Variants in SNTG1 observed in about 807,000 individuals in gnomAD.
SNTG1 encodes gamma-1-syntrophin.
A neutral mutation model predicts 74.7 loss-of-function variants in SNTG1; 39 were observed. That is an observed-to-expected ratio of 0.52 (90% CI 0.40 to 0.68). The LOEUF is 0.68. SNTG1 is among the 30% of genes least tolerant of loss of function. SNTG1 has a pLI of 0.00. For missense variants in SNTG1, 685 were observed against 609.5 expected, an observed-to-expected ratio of 1.12 and a Z score of -1.30; for synonymous variants, 254 against 217.1, an observed-to-expected ratio of 1.17 and a Z score of -1.49.
At chr8:50,607,009 G>T (rs1325899895) in intron 13 of SNTG1, among the ~76,000 whole-genome samples, 1 of 151,846 alleles carries the variant, frequency 6.6e-6, no homozygotes, top group Non-Finnish European at 1.5e-5. Flanking sequence ...TTTTTCAACT[G>T]TGTTTCTGAG....
chr8:50,549,791 T>C (rs193003037), intron 11 of SNTG1, among the ~76,000 whole-genome samples: 1 of 152,322 alleles, frequency 6.6e-6, no homozygotes, highest in East Asian at 1.9e-4. Context: ...CTAAAAATTT[T>C]GCTTTCCCTT....
chr8:50,746,089 G>GAAATTATAAT (rs2095554544), intron 17 of SNTG1, among the ~76,000 whole-genome samples: 2 of 151,644 alleles, frequency 1.3e-5, no homozygotes, highest in Non-Finnish European at 2.9e-5. Context: ...TTTTATAATT[G>GAAATTATAAT]TTAATGTTAA....
intron 1 of SNTG1, among the ~76,000 whole-genome samples, chr8:50,038,977 G>T (rs564575648): frequency 1.3e-5 from 2 of 152,152 alleles, no homozygotes; most frequent in Non-Finnish European, 2.9e-5. Flanking sequence ...GTACCCTGCA[G>T]GAGCCCTTTG....
intron 3 of SNTG1, among the ~76,000 whole-genome samples, chr8:50,397,352 C>T (rs534423277): frequency 2.6e-5 from 4 of 152,108 alleles, no homozygotes; most frequent in Non-Finnish European, 4.4e-5. Flanking sequence ...AGGTGATTTT[C>T]GATATCTAAA....
At chr8:50,069,101 C>T (rs1366808809) in intron 1 of SNTG1, among the ~76,000 whole-genome samples, 1 of 152,100 alleles carries the variant, frequency 6.6e-6, no homozygotes, top group Non-Finnish European at 1.5e-5. Flanking sequence ...CCTTTCAAAG[C>T]TAGATGCTAG....
chr8:50,154,097 C>A (rs571202329), intron 1 of SNTG1, among the ~76,000 whole-genome samples: 4 of 152,144 alleles, frequency 2.6e-5, no homozygotes, highest in Non-Finnish European at 5.9e-5. Context: ...CAAGCCTCAG[C>A]AATGGTGGGC....
chr8:50,134,566 A>C (rs1454595048), intron 1 of SNTG1, among the ~76,000 whole-genome samples: 1 of 152,198 alleles, frequency 6.6e-6, no homozygotes, highest in African/African-American at 2.4e-5. Context: ...CAGCAAGTAT[A>C]AACAACAATT....
chr8:50,283,177 C>A (rs751497991), intron 2 of SNTG1, among the ~76,000 whole-genome samples: 1 of 152,146 alleles, frequency 6.6e-6, no homozygotes, highest in Non-Finnish European at 1.5e-5. Context: ...TCATCCTCAT[C>A]AGTTATTTCA....
At chr8:50,171,854 G>T (rs546846101) in intron 1 of SNTG1, among the ~76,000 whole-genome samples, 2 of 152,102 alleles carry the variant, frequency 1.3e-5, no homozygotes. Flanking sequence ...TATGGAGCCA[G>T]CTTCATCCCC....
chr8:49,948,037 A>G (rs537335967), intron 1 of SNTG1, among the ~76,000 whole-genome samples: 1 of 152,080 alleles, frequency 6.6e-6, no homozygotes, highest in Admixed American at 6.5e-5. Context: ...AAACTGAGGC[A>G]GGAGACTTGC....
intron 1 of SNTG1, among the ~76,000 whole-genome samples, chr8:50,012,596 C>G (rs1815915819): frequency 6.6e-6 from 1 of 152,114 alleles, no homozygotes; most frequent in South Asian, 2.1e-4. Context: ...TGTAGTGAGG[C>G]TGACAGATCA....
In SNTG1 at chr8:50,146,987, G is replaced by A. The variant is rs181544694; in HGVS notation, c.-102-25574G>A. 5.0e-3 allele frequency among the ~76,000 whole-genome samples: 759 copies of A among 151,828 alleles called. 1 individual carries two copies. Among genetic ancestry groups the A allele is most frequent in the Middle Eastern group, 0.01 (3 of 290 alleles). On this transcript the variant is annotated intron_variant, in intron 1 of 18. Transcript: ENST00000642720. ...GCTGTCTTCTTATTCTCTTAACAAT[G>A]TGTTTCACAGAGCAAAAGTTTACAT...
At position 50,590,912 on chromosome 8, in the gene SNTG1, C is replaced by G; in HGVS notation, c.844C>G (p.Gln282Glu). ...KKINRNFPVN[Q>E]QIVYMGWCEA... Reference sequence around the variant, plus strand: ...AATCAACAGAAACTTTCCTGTAAACCAGCAGGTAAGATCAAAGCATACTTG... The same window carrying G: ...AATCAACAGAAACTTTCCTGTAAACGAGCAGGTAAGATCAAAGCATACTTG... The change falls in exon 13 of 19, where the codon CAG becomes GAG. Residue 282 changes from glutamine to glutamate, a missense_variant. By Grantham distance (29) the Gln-to-Glu change is conservative. Coordinates refer to ENST00000642720, the MANE Select transcript of SNTG1 (RefSeq NM_018967.5). 1 of 1,566,892 alleles carries G rather than the reference C, an allele frequency of 6.4e-7. No individual in the cohort carries two copies. The highest frequency in any genetic ancestry group is 1.2e-5 in the South Asian group (1 of 84,074).
chr8:50,540,551 T>C (rs954404296), intron 11 of SNTG1, among the ~76,000 whole-genome samples: 1 of 152,160 alleles, frequency 6.6e-6, no homozygotes, highest in African/African-American at 2.4e-5. Flanking sequence ...TCATTCATGA[T>C]TTTTTTCTGT....
chr8:50,009,894 G>A (rs1275747240), intron 1 of SNTG1, among the ~76,000 whole-genome samples: 2 of 152,102 alleles, frequency 1.3e-5, no homozygotes, highest in Admixed American at 1.3e-4. Context: ...AGCTACTCAG[G>A]AGGCTGACGC....
chr8:50,313,685 A>C (rs1468265746), intron 2 of SNTG1, among the ~76,000 whole-genome samples: 1 of 150,282 alleles, frequency 6.7e-6, no homozygotes, highest in East Asian at 2.0e-4. Flanking sequence ...CGTATTTTTA[A>C]AAACTGGTTT....
At chr8:50,671,041 T>G (rs2095279387) in intron 15 of SNTG1, among the ~76,000 whole-genome samples, 1 of 150,628 alleles carries the variant, frequency 6.6e-6, no homozygotes, top group African/African-American at 2.5e-5. Flanking sequence ...CAAAAATTAA[T>G]TCCAGATGGA....
At chr8:50,045,649 A>C (rs981220951) in intron 1 of SNTG1, among the ~76,000 whole-genome samples, 2 of 152,232 alleles carry the variant, frequency 1.3e-5, no homozygotes, top group Admixed American at 1.3e-4. Flanking sequence ...ACTATCAAAA[A>C]TATGTGTTGT....
chr8:50,703,094 C>T (rs1182861926), intron 15 of SNTG1, among the ~76,000 whole-genome samples: 4 of 152,108 alleles, frequency 2.6e-5, no homozygotes, highest in African/African-American at 9.7e-5. Flanking sequence ...AGCACTTAGA[C>T]TACACTACAT....
Sources: gnomAD v4.1 joint callset for allele counts (sites outside exome capture counted in the v4.1 genomes callset) on GRCh38, gnomAD v4.1.1 for gene constraint, MANE v1.5 for transcripts, NCBI Gene and HGNC (gene_info 2026-07-23, HGNC 2026-07-21) for gene names.